UPF2: variants seen among roughly 807,000 people sequenced by gnomAD.
UPF2 encodes regulator of nonsense transcripts 2.
In UPF2, 17 loss-of-function variants were observed where a neutral mutation model predicts 141.4. The ratio of observed to expected loss-of-function variants is 0.12; its 90% CI spans 0.08 to 0.18. The LOEUF (loss-of-function observed/expected upper bound fraction) is 0.18, where lower values mean the gene tolerates loss of function less well. Among genes scored for constraint, UPF2 ranks in the 10% least tolerant of loss-of-function variants. The probability of loss-of-function intolerance (pLI) is 1.00; values close to 1 mark genes in which losing one functional copy is unlikely to be tolerated. For synonymous variants in UPF2, 540 were observed against 498.0 expected (o/e 1.08, Z -1.12); for missense variants, 1,152 against 1,515.9 (o/e 0.76, Z 3.99).
At chr10:12,040,731 A>T (rs890545728) in intron 1 of UPF2, among the ~76,000 whole-genome samples, 15 of 152,228 alleles carry the variant, frequency 9.9e-5, no homozygotes, top group African/African-American at 3.6e-4. Context: ...TAGCTACAGA[A>T]ATCAGGCAAC....
At position 11,936,047 on chromosome 10, in the gene UPF2, T is replaced by A. The variant is rs1205156830; in HGVS notation, c.3546+498A>T. 6.6e-6 allele frequency among the ~76,000 whole-genome samples: 1 copy of A among 152,172 alleles called. No homozygotes were observed. ...AGTTTGTGCTAGAAGTCAAGGTACT[T>A]ACATATTCTTACAAACATGTATGAT... On this transcript the variant is annotated intron_variant, in intron 19 of 21. Coordinates refer to ENST00000357604, the MANE Select transcript of UPF2 (RefSeq NM_015542.4). The surrounding 1 kb of genome is among the most constrained non-coding windows in gnomAD (Gnocchi z 6.6).
intron 4 of UPF2, among the ~76,000 whole-genome samples, chr10:12,013,561 C>A (rs1027583935): frequency 6.6e-6 from 1 of 152,104 alleles, no homozygotes; most frequent in East Asian, 1.9e-4. Context: ...GCATGAGCCA[C>A]TGCGCCCGGC....
chr10:11,997,699 C>T lies in UPF2; in HGVS notation c.1817G>A (p.Arg606Gln), dbSNP rs1423041183. The change falls in exon 8 of 22, where the codon CGG becomes CAG. Residue 606 changes from arginine (R) to glutamine (Q), a missense_variant. This residue lies in a region of UPF2 where 739 missense variants were observed against 1,032.2 expected (regional missense o/e 0.72). Coordinates refer to ENST00000357604, the MANE Select transcript of UPF2 (RefSeq NM_015542.4). ...TTGTCTAGGAACTATGAAGAGTGCC[C>T]GTACCAACTTCTTCCTGTTTGCTTT... is the stretch of plus-strand genomic sequence containing the variant. ...NTKANRKKLV[R>Q]ALFIVPRQRL... 2.5e-6 allele frequency: 4 copies of T among 1,613,642 alleles called. No individual in the cohort carries two copies. The highest frequency in any genetic ancestry group is 3.4e-6 in the Non-Finnish European group (4 of 1,179,860).
chr10:11,929,304 A>C (rs1486572379), intron 21 of UPF2, among the ~76,000 whole-genome samples: 2 of 152,246 alleles, frequency 1.3e-5, no homozygotes, highest in Non-Finnish European at 2.9e-5. Context: ...CTCATCTATA[A>C]CAACTCCTTC....
intron 18 of UPF2, among the ~76,000 whole-genome samples, chr10:11,938,917 AGAGACTGTGCAGT>A: frequency 8.2e-6 from 1 of 121,462 alleles, no homozygotes; most frequent in Admixed American, 1.1e-4. Flanking sequence ...CCCCATGCAG[AGAGACTGTGCAGT>A]GGCACAGTCT....
rs764433084 is a variant in UPF2, at chr10:11,935,403, A to C, written c.3546+1142T>G. 6.6e-6 allele frequency among the ~76,000 whole-genome samples: 1 copy of C among 151,980 alleles called. No individual in the cohort carries two copies. The highest frequency in any genetic ancestry group is 1.5e-5 in the Non-Finnish European group (1 of 67,962). ...AAATGACTGTGTAGACGAATGTGGT[A>C]TTGGACTTGTCTAAGATAACTGTGG... On this transcript the variant is annotated intron_variant, in intron 19 of 21. Transcript: ENST00000357604. The surrounding 1 kb of genome is among the most constrained non-coding windows in gnomAD (Gnocchi z 4.9).
chr10:11,965,726 T>G (rs1454224899), intron 10 of UPF2, among the ~76,000 whole-genome samples: 2 of 152,168 alleles, frequency 1.3e-5, no homozygotes, highest in Non-Finnish European at 2.9e-5. Context: ...CCCAAAGTGC[T>G]GGGATTACAG....
chr10:12,007,984 G>C (rs1834063514), intron 4 of UPF2, among the ~76,000 whole-genome samples: 2 of 151,356 alleles, frequency 1.3e-5, no homozygotes, highest in African/African-American at 4.9e-5. Context: ...CTGGGTTCAA[G>C]CAATTGTCTC....
chr10:12,033,926 G>T (rs1834573564), intron 2 of UPF2, among the ~76,000 whole-genome samples: 1 of 152,168 alleles, frequency 6.6e-6, no homozygotes, highest in Non-Finnish European at 1.5e-5. Flanking sequence ...TGTTTCTCCT[G>T]TAAGAACTAC....
At chr10:11,989,846 G>C (rs1340978284) in intron 8 of UPF2, among the ~76,000 whole-genome samples, 5 of 152,120 alleles carry the variant, frequency 3.3e-5, no homozygotes, top group African/African-American at 1.2e-4. Flanking sequence ...AAAGTGGTCT[G>C]GATCCTTGAG....
chr10:11,979,230 TTAAAC>T lies in UPF2; in HGVS notation c.1845-70_1845-66del. 7.6e-7 allele frequency: 1 copy of T among 1,323,998 alleles called. No individual in the cohort carries two copies. The highest frequency in any genetic ancestry group is 1.1e-6 in the Non-Finnish European group (1 of 947,042). 82.0% of individuals were successfully genotyped at this position (1,323,998 alleles called of 1,614,324 possible). A position where few individuals can be genotyped will look rare whatever the true frequency, so the allele number is the denominator to read the frequency against. On this transcript the variant is annotated intron_variant, in intron 8 of 21. Coordinates refer to ENST00000357604, the MANE Select transcript of UPF2 (RefSeq NM_015542.4). The surrounding 1 kb of genome is among the most constrained non-coding windows in gnomAD (Gnocchi z 6.2). The stretch of plus-strand genomic sequence containing the variant: ...TATCAAAAATAATTCATTTTAAAAT[TTAAAC>T]TTTTCAGATGTATTCACACATTAAA...
chr10:11,993,628 T>C (rs1462011830), intron 8 of UPF2, among the ~76,000 whole-genome samples: 1 of 152,076 alleles, frequency 6.6e-6, no homozygotes, highest in Non-Finnish European at 1.5e-5. Flanking sequence ...CCTGGAAATT[T>C]TGAAATTCCT....
chr10:12,004,778 GATAAACATGACA>G, intron 4 of UPF2, 51 bp from the exon 5 acceptor site: 1 of 1,538,846 alleles, frequency 6.5e-7, no homozygotes, highest in Non-Finnish European at 8.8e-7. Flanking sequence ...GTTATAGCAT[GATAAACATGACA>G]TAAGTTATTT....
chr10:12,009,317 T>C (rs1834089632), intron 4 of UPF2, among the ~76,000 whole-genome samples: 1 of 152,076 alleles, frequency 6.6e-6, no homozygotes, highest in African/African-American at 2.4e-5. Context: ...AGAGGACAAG[T>C]AAATTACAGA....
rs532623160 is a variant in UPF2, at chr10:11,980,694, T to C, written c.1845-1529A>G. ...GTTGCAGTGAGCTGAGATCACACCA[T>C]TGCAATCCAGCCTGGGCAACAAGAG... On this transcript the variant is annotated intron_variant, in intron 8 of 21. Transcript: ENST00000357604. This position sits in a 1 kb window ranked among gnomAD's most constrained non-coding sequence, Gnocchi z 4.2. 1.3e-5 allele frequency among the ~76,000 whole-genome samples: 2 copies of C among 152,048 alleles called. No individual in the cohort carries two copies. The highest frequency in any genetic ancestry group is 4.2e-4 in the South Asian group (2 of 4,806).
chr10:12,040,287 C>A (rs1834712733), intron 1 of UPF2, among the ~76,000 whole-genome samples: 1 of 151,938 alleles, frequency 6.6e-6, no homozygotes, highest in Non-Finnish European at 1.5e-5. Context: ...CTGGGCGTGG[C>A]AGCACACGCC....
chr10:11,961,219 G>T (rs1286049167), intron 11 of UPF2, among the ~76,000 whole-genome samples: 1 of 151,850 alleles, frequency 6.6e-6, no homozygotes, highest in Non-Finnish European at 1.5e-5. Flanking sequence ...TGTGTCAGAA[G>T]ACAGAATAAA....
chr10:11,996,351 AC>A, intron 8 of UPF2, among the ~76,000 whole-genome samples: 1 of 57,346 alleles, frequency 1.7e-5, no homozygotes, highest in Non-Finnish European at 3.3e-5. Context: ...ACTTCATTCA[AC>A]CTTTTTTTTT....
intron 8 of UPF2, among the ~76,000 whole-genome samples, chr10:11,984,395 TC>T (rs1564355368): frequency 6.6e-6 from 1 of 152,198 alleles, no homozygotes; most frequent in Non-Finnish European, 1.5e-5. Context: ...TTTTTAATGT[TC>T]TTTTTCTTTA....
Sources: gnomAD v4.1 joint callset for allele counts (sites outside exome capture counted in the v4.1 genomes callset) on GRCh38, gnomAD v4.1.1 for gene constraint, gnomAD v4.1.1 regional missense constraint, Gnocchi (gnomAD v3.1) non-coding constraint, MANE v1.5 for transcripts, NCBI Gene and HGNC (gene_info 2026-07-23, HGNC 2026-07-21) for gene names.